Variants in BCAS4 observed in about 807,000 individuals in gnomAD.
BCAS4 encodes the protein breast carcinoma amplified sequence 4, also known as breast carcinoma-amplified sequence 4.
In BCAS4, 9 loss-of-function variants were observed where a neutral mutation model predicts 15.7. The ratio of observed to expected loss-of-function variants is 0.57; its 90% confidence interval spans 0.34 to 1.00. The LOEUF (loss-of-function observed/expected upper bound fraction) is 1.00. Among genes scored for constraint, BCAS4 ranks in the 50% least tolerant of loss-of-function variants. BCAS4 has a pLI of 0.02. For synonymous variants in BCAS4, 101 were observed against 99.5 expected (o/e 1.02, Z -0.09); for missense variants, 225 against 239.1 (o/e 0.94, Z 0.39).
intron 1 of BCAS4, among the ~76,000 whole-genome samples, chr20:50,796,835 T>TA (rs898118533): frequency 7.1e-6 from 1 of 141,640 alleles, no homozygotes; most frequent in Non-Finnish European, 1.5e-5. Flanking sequence ...CAGACGTTTT[T>TA]AATTTTTTTT....
chr20:50,805,239 A>G (rs1411952009), intron 1 of BCAS4, among the ~76,000 whole-genome samples: 1 of 152,182 alleles, frequency 6.6e-6, no homozygotes, highest in African/African-American at 2.4e-5. Context: ...TGCACCCGTT[A>G]TCTGTCATTC....
rs1012128469 is a variant in BCAS4 at position 50,851,940 on chromosome 20, A to G, written c.399+10040A>G. ...CTGCATTTTCTCCTGTTGTTCCCCT[A>G]GCCTGAGAGCTGCTCAAGGGTGGGG... On this transcript the variant is annotated intron_variant, in intron 4 of 4. Transcript: ENST00000371608. This position sits in a 1 kb window ranked among gnomAD's most constrained non-coding sequence, Gnocchi z 4.3. Among the ~76,000 whole-genome samples the G allele has an allele frequency of 6.6e-6, 1 of 152,154 alleles. No individual in the cohort carries two copies. Among genetic ancestry groups the G allele is most frequent in the African/African-American group, 2.4e-5 (1 of 41,440 alleles).
At chr20:50,826,918 T>C (rs933197192) in intron 2 of BCAS4, among the ~76,000 whole-genome samples, 26 of 152,098 alleles carry the variant, frequency 1.7e-4, no homozygotes, top group South Asian at 6.2e-4. Flanking sequence ...CAACAAGTCA[T>C]GATCACACCA....
chr20:50,828,648 G>T (rs1359026176), intron 2 of BCAS4, among the ~76,000 whole-genome samples: 1 of 152,080 alleles, frequency 6.6e-6, no homozygotes, highest in African/African-American at 2.4e-5. Flanking sequence ...GCATGGTGGT[G>T]CGTGCCTGTG....
At chr20:50,835,434 C>T (rs561194794) in intron 3 of BCAS4, among the ~76,000 whole-genome samples, 7 of 152,020 alleles carry the variant, frequency 4.6e-5, no homozygotes, top group African/African-American at 7.2e-5. Flanking sequence ...TTATTAGAGA[C>T]GGGGTTTCAC....
intron 1 of BCAS4, among the ~76,000 whole-genome samples, chr20:50,799,275 G>A (rs907017467): frequency 2.6e-5 from 4 of 152,132 alleles, no homozygotes; most frequent in African/African-American, 9.7e-5. Flanking sequence ...TCAGTCACGG[G>A]TTTGCTTATG....
chr20:50,873,726 A>G lies in BCAS4; in HGVS notation c.400-2760A>G, dbSNP rs1979773155. Among the ~76,000 whole-genome samples the G allele has an allele frequency of 2.0e-5, 3 of 152,034 alleles. No individual in the cohort carries two copies. The South Asian group carries it at 6.2e-4, about 32-fold the overall frequency. On this transcript the variant is annotated intron_variant, in intron 4 of 4. Coordinates refer to ENST00000371608, the MANE Select transcript of BCAS4 (RefSeq NM_198799.4). ...GGGCAGCTGGGGAACGTGCTAGGAGAGGAGGGGCAGGCAGGAATAGACCTT... is the reference window on the plus strand; with the variant it reads ...GGGCAGCTGGGGAACGTGCTAGGAGGGGAGGGGCAGGCAGGAATAGACCTT...
chr20:50,814,806 A>G (rs905027823), intron 1 of BCAS4, among the ~76,000 whole-genome samples: 1 of 152,134 alleles, frequency 6.6e-6, no homozygotes, highest in Non-Finnish European at 1.5e-5. Flanking sequence ...CCTTGTTTTT[A>G]TTCTATGGCG....
chr20:50,832,838 G>A (rs2088360776), intron 3 of BCAS4: 9 of 152,126 alleles, frequency 5.9e-5, no homozygotes, highest in Admixed American at 5.9e-4. Context: ...TTGAGATTAC[G>A]TTGGGCCTAC....
At chr20:50,876,338 G>C (rs1043155157) in intron 4 of BCAS4, 148 bp from the exon 5 acceptor site, 1 of 1,035,288 alleles carries the variant, frequency 9.7e-7, no homozygotes, top group South Asian at 1.6e-5. Flanking sequence ...GGCCGGCTTT[G>C]GCTGTCACAG....
At chr20:50,819,056 G>A (rs527408807) in intron 2 of BCAS4, among the ~76,000 whole-genome samples, 2 of 152,206 alleles carry the variant, frequency 1.3e-5, no homozygotes, top group Admixed American at 6.5e-5. Context: ...GGTGGCAGGC[G>A]CCTGTAATCT....
intron 3 of BCAS4, among the ~76,000 whole-genome samples, chr20:50,834,349 G>C (rs761559182): frequency 7.2e-6 from 1 of 139,766 alleles, no homozygotes; most frequent in Non-Finnish European, 1.5e-5. Context: ...AGGCTGGAGT[G>C]CAGTGGCGGA....
At chr20:50,817,451 C>G (rs2088153624) in intron 1 of BCAS4, among the ~76,000 whole-genome samples, 1 of 152,138 alleles carries the variant, frequency 6.6e-6, no homozygotes, top group African/African-American at 2.4e-5. Context: ...CATTCCAGGC[C>G]TTTCTCTGTG....
chr20:50,866,872 G>A lies in BCAS4; in HGVS notation c.400-9614G>A, dbSNP rs185862242. Among the ~76,000 whole-genome samples, 518 of 152,264 alleles carry A rather than the reference G, an allele frequency of 3.4e-3. 5 individuals are homozygous for A. Among genetic ancestry groups the A allele is most frequent in the African/African-American group, 0.012 (506 of 41,558 alleles). ...TCCCCTTTTGCAAAGTGAGATGGAGGTTCCCTGCCTCTCTCAGCCGCTGTG... is the reference window on the plus strand; with the variant it reads ...TCCCCTTTTGCAAAGTGAGATGGAGATTCCCTGCCTCTCTCAGCCGCTGTG... On this transcript the variant is annotated intron_variant, in intron 4 of 4. Coordinates refer to ENST00000371608, the MANE Select transcript of BCAS4 (RefSeq NM_198799.4).
Position 50,795,135 on chromosome 20 carries a change from G to A in BCAS4, c.52G>A (p.Glu18Lys). 3 of 1,476,160 alleles carry A rather than the reference G, an allele frequency of 2.0e-6. No individual in the cohort carries two copies. The highest frequency in any genetic ancestry group is 2.7e-6 in the Non-Finnish European group (3 of 1,110,514). The allele number at this position is 1,476,160 out of a possible 1,614,324, so 91.4% of individuals were successfully genotyped here. A position where few individuals can be genotyped will look rare whatever the true frequency, so the allele number is the denominator to read the frequency against. ...QPEPMRSGAR[E>K]LALFLTPEPG... Reference sequence around the variant, plus strand: ...GGAGCCCATGCGCAGCGGGGCGCGCGAGCTCGCGCTCTTCCTGACCCCCGA... The same window carrying A: ...GGAGCCCATGCGCAGCGGGGCGCGCAAGCTCGCGCTCTTCCTGACCCCCGA... The change falls in exon 1 of 5, where the codon GAG (glutamate) becomes AAG (lysine). Residue 18 changes from glutamate (E) to lysine (K), a missense_variant. By Grantham distance (56) the Glu-to-Lys change is moderately conservative. Coordinates refer to ENST00000371608, the MANE Select transcript of BCAS4 (RefSeq NM_198799.4).
chr20:50,857,431 G>A (rs1046172898), intron 4 of BCAS4, among the ~76,000 whole-genome samples: 5 of 152,132 alleles, frequency 3.3e-5, no homozygotes, highest in Admixed American at 1.3e-4. Flanking sequence ...TCACCCAGCT[G>A]AACGCTATTT....
In BCAS4 at chr20:50,804,932, C is replaced by G. The variant is rs140026337; in HGVS notation, c.90+9759C>G. Among the ~76,000 whole-genome samples the G allele has an allele frequency of 5.7e-3, 866 of 152,292 alleles. 3 individuals carry two copies. Among genetic ancestry groups the G allele is most frequent in the African/African-American group, 0.015 (640 of 41,570 alleles). ...CCTAACGCTACTCAGAGAATCACCT[C>G]ATTTGCTCCCTGGCTTCCGGGATCT... On this transcript the variant is annotated intron_variant, in intron 1 of 4. Transcript: ENST00000371608.
At chr20:50,859,911 G>A (rs1289410685) in intron 4 of BCAS4, among the ~76,000 whole-genome samples, 4 of 152,160 alleles carry the variant, frequency 2.6e-5, no homozygotes, top group African/African-American at 7.2e-5. Flanking sequence ...AGGCTGAGGC[G>A]GGAGGATCGC....
chr20:50,843,116 C>A (rs752232828), intron 4 of BCAS4, among the ~76,000 whole-genome samples: 4 of 152,122 alleles, frequency 2.6e-5, no homozygotes, highest in Non-Finnish European at 2.9e-5. Flanking sequence ...CGCACCATCA[C>A]ACCTGGCTAA....
Sources: allele counts gnomAD v4.1 joint callset (sites outside exome capture counted in the v4.1 genomes callset), GRCh38; gene constraint gnomAD v4.1.1; non-coding constraint Gnocchi (gnomAD v3.1); transcripts MANE v1.5; gene names NCBI Gene and HGNC (gene_info 2026-07-23, HGNC 2026-07-21).